PARD3: variants seen among roughly 807,000 people sequenced by gnomAD.
PARD3 encodes the protein partitioning defective 3 homolog.
A neutral mutation model predicts 155.4 loss-of-function variants in PARD3; 75 were observed. That is an observed-to-expected ratio of 0.48 (90% confidence interval 0.40 to 0.58). The LOEUF is 0.58. PARD3 is among the 20% of genes least tolerant of loss of function. PARD3 has a pLI of 0.00. For missense variants in PARD3, 1,642 were observed against 1,721.7 expected, an observed-to-expected ratio of 0.95 and a Z score of 0.82; for synonymous variants, 576 against 610.5, an observed-to-expected ratio of 0.94 and a Z score of 0.83.
chr10:34,356,573 T>C (rs74496737), intron 14 of PARD3, among the ~76,000 whole-genome samples: 1,526 of 152,364 alleles, frequency 0.01, 15 homozygotes, highest in Non-Finnish European at 0.017. Context: ...ACTATACAGC[T>C]GATTAAAAGA....
intron 1 of PARD3, among the ~76,000 whole-genome samples, chr10:34,784,196 G>C (rs1020597779): frequency 2.6e-5 from 4 of 152,090 alleles, no homozygotes; most frequent in African/African-American, 9.7e-5. Flanking sequence ...GGGTGATGGA[G>C]AGAACTTGTC....
At chr10:34,535,812 C>G (rs2083186195) in intron 2 of PARD3, among the ~76,000 whole-genome samples, 1 of 99,526 alleles carries the variant, frequency 1.0e-5, no homozygotes, top group Non-Finnish European at 1.8e-5. Context: ...CCACAATTAT[C>G]TTTAAAAAAA....
intron 22 of PARD3, among the ~76,000 whole-genome samples, chr10:34,140,273 T>G (rs1027450165): frequency 6.6e-6 from 1 of 152,212 alleles, no homozygotes; most frequent in Non-Finnish European, 1.5e-5. Context: ...AACCTTTAAA[T>G]GGCAATGGAT....
chr10:34,456,986 G>C (rs2077374810), intron 4 of PARD3, among the ~76,000 whole-genome samples: 1 of 152,104 alleles, frequency 6.6e-6, no homozygotes, highest in Non-Finnish European at 1.5e-5. Flanking sequence ...GAAAGAATTT[G>C]AAAATTACAA....
At chr10:34,635,581 T>A (rs1255700008) in intron 2 of PARD3, among the ~76,000 whole-genome samples, 1 of 152,222 alleles carries the variant, frequency 6.6e-6, no homozygotes, top group Non-Finnish European at 1.5e-5. Flanking sequence ...TATATGCCTA[T>A]GACTCTGAAC....
At chr10:34,734,297 A>C (rs1437006317) in intron 1 of PARD3, among the ~76,000 whole-genome samples, 2 of 148,978 alleles carry the variant, frequency 1.3e-5, no homozygotes, top group South Asian at 4.3e-4. Context: ...ATTGAAGATT[A>C]CACATATAAC....
At chr10:34,399,294 A>G (rs1174205721) in intron 7 of PARD3, 36 bp downstream of exon 7, 3 of 1,251,740 alleles carry the variant, frequency 2.4e-6, no homozygotes, top group African/African-American at 1.5e-5. Flanking sequence ...AACACTCTAC[A>G]TTATGATTCA....
Position 34,696,491 on chromosome 10 carries a change from G to A in PARD3, c.121-72C>T, listed in dbSNP as rs867058453. ...AAAAGGGAATTAGACATTTTAAACC[G>A]TGATAACTTCCTGCCCATAAAAAGG... On this transcript the variant is annotated intron_variant, in intron 1 of 24. Coordinates refer to ENST00000374788, the MANE Select transcript of PARD3 (RefSeq NM_001184785.2). 26 of 927,444 alleles carry A rather than the reference G, an allele frequency of 2.8e-5. 1 individual carries two copies. In the Middle Eastern group the frequency reaches 6.8e-4, roughly 24 times the overall value. The allele number at this position is 927,444 out of a possible 1,614,324, so 57.5% of individuals were successfully genotyped here.
intron 22 of PARD3, among the ~76,000 whole-genome samples, chr10:34,167,754 C>T (rs770736112): frequency 3.9e-5 from 6 of 152,106 alleles, no homozygotes; most frequent in Non-Finnish European, 5.9e-5. Context: ...AACTTGTTTA[C>T]GCTTGAACGT....
chr10:34,435,480 A>G (rs1301394314), intron 5 of PARD3, among the ~76,000 whole-genome samples: 1 of 152,242 alleles, frequency 6.6e-6, no homozygotes, highest in African/African-American at 2.4e-5. Flanking sequence ...TAATGAGAAT[A>G]CAAATTGCCA....
At chr10:34,790,139 G>A (rs1024714486) in intron 1 of PARD3, among the ~76,000 whole-genome samples, 3 of 152,180 alleles carry the variant, frequency 2.0e-5, no homozygotes, top group Non-Finnish European at 2.9e-5. Context: ...TGCTTTCAAA[G>A]GTGGAGGCGT....
chr10:34,673,125 C>G (rs1255000693), intron 2 of PARD3, among the ~76,000 whole-genome samples: 4 of 152,084 alleles, frequency 2.6e-5, no homozygotes, highest in Non-Finnish European at 4.4e-5. Flanking sequence ...AAAAAAAAAT[C>G]TTCATGGAGA....
chr10:34,638,108 T>C (rs1016537440), intron 2 of PARD3, among the ~76,000 whole-genome samples: 9 of 152,168 alleles, frequency 5.9e-5, no homozygotes, highest in Non-Finnish European at 1.2e-4. Context: ...ATTTGGACAT[T>C]GTGGAGAGTG....
intron 5 of PARD3, among the ~76,000 whole-genome samples, chr10:34,434,147 G>C (rs562379938): frequency 2.6e-5 from 4 of 152,210 alleles, no homozygotes; most frequent in Admixed American, 6.5e-5. Flanking sequence ...GGAAGAGTTG[G>C]CCAGCATGTT....
Position 34,144,069 on chromosome 10 carries a change from A to T in PARD3, c.3420-12486T>A, listed in dbSNP as rs1305754546. ...TCAGATTTAGTTAAATTATTATATT[A>T]GGAAAACAAAAACAGTGTGACCATA... On this transcript the variant is annotated intron_variant, in intron 22 of 24. Transcript: ENST00000374788. Among the ~76,000 whole-genome samples, 3 of 152,204 alleles carry T rather than the reference A, an allele frequency of 2.0e-5. No individual in the cohort carries two copies. In the East Asian group the frequency reaches 5.8e-4, roughly 29 times the overall value.
intron 2 of PARD3, among the ~76,000 whole-genome samples, chr10:34,605,789 C>A (rs1259887660): frequency 3.5e-4 from 1 of 2,820 alleles, no homozygotes; most frequent in Admixed American, 6.7e-3. Flanking sequence ...ATATATATAT[C>A]TCCTATATAT....
chr10:34,481,048 C>G lies in PARD3; in HGVS notation c.404-10785G>C, dbSNP rs550897500. ...AACTCCTGACCTCAGGTGATCCACC[C>G]GCCTCAGCCTCCCAAAGTGCTGGGG... On this transcript the variant is annotated intron_variant, in intron 3 of 24. Transcript: ENST00000374788. Among the ~76,000 whole-genome samples the G allele has an allele frequency of 1.3e-3, 195 of 151,992 alleles. 2 individuals are homozygous for G. The highest frequency in any genetic ancestry group is 4.6e-3 in the African/African-American group (189 of 41,478).
chr10:34,590,033 C>G (rs1440748622), intron 2 of PARD3, among the ~76,000 whole-genome samples: 1 of 152,156 alleles, frequency 6.6e-6, no homozygotes, highest in African/African-American at 2.4e-5. Context: ...ATTTCATACA[C>G]TTATTTCCAT....
chr10:34,342,068 G>A (rs1836889637), intron 15 of PARD3, among the ~76,000 whole-genome samples: 1 of 152,130 alleles, frequency 6.6e-6, no homozygotes, highest in South Asian at 2.1e-4. Context: ...CTGGTTTGAA[G>A]TTTCCTAAAG....
Sources: gnomAD v4.1 joint callset for allele counts (sites outside exome capture counted in the v4.1 genomes callset) on GRCh38, gnomAD v4.1.1 for gene constraint, MANE v1.5 for transcripts, NCBI Gene and HGNC (gene_info 2026-07-23, HGNC 2026-07-21) for gene names.